Variants in CCDC138 observed in about 807,000 individuals in gnomAD.
The protein encoded by CCDC138 is coiled-coil domain-containing protein 138.
Under a neutral mutation model 82.3 loss-of-function variants are expected in CCDC138, and 66 were observed. The observed-to-expected ratio is 0.80, with a 90% CI of 0.66 to 0.98. The LOEUF is 0.98. Ranked by LOEUF, CCDC138 falls within the 50% of genes least tolerant of loss-of-function variation. CCDC138 has a pLI of 0.00. For synonymous variants in CCDC138, 297 were observed against 265.4 expected (o/e 1.12, Z -1.16); for missense variants, 816 against 758.9 (o/e 1.08, Z -0.88).
At chr2:108,811,243 CTCTCTTTTT>C (rs747025524) in intron 7 of CCDC138, among the ~76,000 whole-genome samples, 6 of 28,700 alleles carry the variant, frequency 2.1e-4, no homozygotes, top group African/African-American at 2.9e-4. Flanking sequence ...TTCTTTCTCT[CTCTCTTTTT>C]TTTTTTTTTT....
At chr2:108,865,991 T>C (rs1694351788) in intron 13 of CCDC138, among the ~76,000 whole-genome samples, 1 of 152,120 alleles carries the variant, frequency 6.6e-6, no homozygotes, top group Admixed American at 6.5e-5. Context: ...GGGGAGAAGC[T>C]AGGAGCTGGG....
intron 12 of CCDC138, among the ~76,000 whole-genome samples, chr2:108,852,100 T>TTATATA (rs1390650732): frequency 1.3e-5 from 2 of 152,166 alleles, no homozygotes; most frequent in Non-Finnish European, 1.5e-5. Flanking sequence ...GCCGAGCACT[T>TTATATA]TATATATATT....
At chr2:108,794,440 A>G (rs1460137934) in intron 4 of CCDC138, 100 bp from the exon 5 acceptor site, 2 of 1,078,714 alleles carry the variant, frequency 1.9e-6, no homozygotes, top group Admixed American at 2.9e-5. Context: ...TTTTAATGTT[A>G]TATTTTGTAC....
At chr2:108,788,242 A>T (rs184604665) in intron 2 of CCDC138, among the ~76,000 whole-genome samples, 153 bp downstream of exon 2, 74 of 151,158 alleles carry the variant, frequency 4.9e-4, no homozygotes, top group African/African-American at 1.7e-3. Flanking sequence ...AACATAGTGA[A>T]ATCCCGTCTC....
At chr2:108,864,538 C>T (rs1267456544) in intron 13 of CCDC138, among the ~76,000 whole-genome samples, 1 of 151,968 alleles carries the variant, frequency 6.6e-6, no homozygotes, top group Non-Finnish European at 1.5e-5. Flanking sequence ...TGGCTCACAC[C>T]TGTAATCCCA....
At chr2:108,800,845 T>A (rs1681833242) in intron 6 of CCDC138, among the ~76,000 whole-genome samples, 1 of 124,668 alleles carries the variant, frequency 8.0e-6, no homozygotes, top group South Asian at 3.0e-4. Context: ...ATCTCATTGT[T>A]CAATTCCCAC....
intron 6 of CCDC138, among the ~76,000 whole-genome samples, chr2:108,802,109 C>T (rs1370657026): frequency 1.9e-4 from 27 of 144,372 alleles, no homozygotes; most frequent in South Asian, 1.4e-3. Context: ...CTTGGCGATG[C>T]GGGCTCTTTT....
chr2:108,802,959 C>T (rs968119551), intron 6 of CCDC138, among the ~76,000 whole-genome samples: 10 of 152,298 alleles, frequency 6.6e-5, no homozygotes, highest in African/African-American at 2.4e-4. Context: ...TTGAACCAGC[C>T]TTGCATCCCA....
chr2:108,823,195 G>C (rs1359386556), intron 10 of CCDC138, among the ~76,000 whole-genome samples: 1 of 152,110 alleles, frequency 6.6e-6, no homozygotes, highest in African/African-American at 2.4e-5. Context: ...CTTCACTTTA[G>C]AATTCTACCA....
chr2:108,849,089 A>C (rs186698159), intron 12 of CCDC138, among the ~76,000 whole-genome samples: 1 of 152,204 alleles, frequency 6.6e-6, no homozygotes, highest in Admixed American at 6.5e-5. Flanking sequence ...CCTGAAATTT[A>C]AAAATACACT....
intron 14 of CCDC138, among the ~76,000 whole-genome samples, chr2:108,874,651 T>TA (rs923695950): frequency 6.6e-6 from 1 of 152,188 alleles, no homozygotes; most frequent in Non-Finnish European, 1.5e-5. Flanking sequence ...TATTTGTAGA[T>TA]AGGGATTAAG....
intron 13 of CCDC138, among the ~76,000 whole-genome samples, chr2:108,863,494 C>T (rs555346141): frequency 6.6e-6 from 1 of 152,238 alleles, no homozygotes; most frequent in South Asian, 2.1e-4. Context: ...AGTAGAAGAA[C>T]CAGGAAACAA....
At chr2:108,786,978 C>T (rs1378563645) in intron 1 of CCDC138, 63 bp downstream of exon 1, 1 of 1,166,126 alleles carries the variant, frequency 8.6e-7, no homozygotes, top group South Asian at 2.0e-5. Context: ...CCGCTCCGTG[C>T]CCCGCGCAGC....
rs1192835928 is a variant in CCDC138, at chr2:108,786,902, G to C, written c.80G>C (p.Ser27Thr). 3.2e-6 allele frequency: 5 copies of C among 1,547,128 alleles called. No homozygotes were observed. The highest frequency in any genetic ancestry group is 4.3e-6 in the Non-Finnish European group (5 of 1,149,668). The change falls in exon 1 of 15, where the codon AGC becomes ACC. Residue 27 changes from serine to threonine, a missense_variant. Coordinates refer to ENST00000295124, the MANE Select transcript of CCDC138 (RefSeq NM_144978.3). The part of the protein sequence containing the change: ...SLKSRYGLGG[S>T]CPDEYDFSNF... ...AAAAGCCGCTACGGACTCGGGGGCAGCTGCCCCGACGAGGTGAAGCCGCCG... is the reference window on the plus strand; with the variant it reads ...AAAAGCCGCTACGGACTCGGGGGCACCTGCCCCGACGAGGTGAAGCCGCCG...
At chr2:108,858,591 T>C (rs1693027511) in intron 13 of CCDC138, among the ~76,000 whole-genome samples, 1 of 152,210 alleles carries the variant, frequency 6.6e-6, no homozygotes, top group Non-Finnish European at 1.5e-5. Context: ...CGAGGAAAGA[T>C]TGATCAAAGT....
chr2:108,821,706 A>C (rs545412193), intron 10 of CCDC138, among the ~76,000 whole-genome samples: 57 of 151,932 alleles, frequency 3.8e-4, no homozygotes, highest in Non-Finnish European at 7.4e-4. Context: ...GTACTTTGGG[A>C]GGCTGAGACA....
intron 12 of CCDC138, among the ~76,000 whole-genome samples, chr2:108,853,841 ATATATATATAC>A (rs1041591123): frequency 6.0e-5 from 8 of 132,960 alleles, no homozygotes; most frequent in African/African-American, 1.4e-4. Flanking sequence ...TCTATATGCA[ATATATATATAC>A]TATATATATA....
At chr2:108,839,132 G>T in intron 10 of CCDC138, 53 bp from the exon 11 acceptor site, 1 of 1,513,542 alleles carries the variant, frequency 6.6e-7, no homozygotes, top group Non-Finnish European at 8.8e-7. Flanking sequence ...ATTGATTTAA[G>T]ACATTTAAAA....
At chr2:108,816,257 C>T in intron 10 of CCDC138, 152 bp downstream of exon 10, 1 of 557,452 alleles carries the variant, frequency 1.8e-6, no homozygotes, top group Non-Finnish European at 3.1e-6. Flanking sequence ...TTAAGACCAG[C>T]CTGGGCAACG....
Sources: allele counts gnomAD v4.1 joint callset (sites outside exome capture counted in the v4.1 genomes callset), GRCh38; gene constraint gnomAD v4.1.1; transcripts MANE v1.5; gene names NCBI Gene and HGNC (gene_info 2026-07-23, HGNC 2026-07-21).